RFX4: variants seen among roughly 807,000 people sequenced by gnomAD.
RFX4 encodes the protein transcription factor RFX4.
Under a neutral mutation model 95.0 loss-of-function variants are expected in RFX4, and 10 were observed. That is an observed-to-expected ratio of 0.11 (90% CI 0.06 to 0.18). The LOEUF is 0.18. Among genes scored for constraint, RFX4 ranks in the 10% least tolerant of loss-of-function variants. The pLI is 1.00. For missense variants in RFX4, 640 were observed against 922.0 expected (o/e 0.69, Z 3.96); for synonymous variants, 321 against 340.7 (o/e 0.94, Z 0.64).
intron 1 of RFX4, among the ~76,000 whole-genome samples, chr12:106,594,652 C>G (rs779850034): frequency 6.6e-6 from 1 of 152,126 alleles, no homozygotes; most frequent in Non-Finnish European, 1.5e-5. Flanking sequence ...ACTGGGCAGC[C>G]TCGCACAGAG....
At chr12:106,647,684 G>A (rs1477658587) in intron 3 of RFX4, among the ~76,000 whole-genome samples, 3 of 151,982 alleles carry the variant, frequency 2.0e-5, no homozygotes, top group African/African-American at 7.3e-5. Context: ...TGCCATCAAA[G>A]GACTTTCAGT....
intron 1 of RFX4, chr12:106,585,827 A>G (rs2039446608): frequency 1.3e-5 from 2 of 152,222 alleles, no homozygotes; most frequent in Admixed American, 6.5e-5. Context: ...GAGCGGGGCC[A>G]CCGTCCCTTA....
intron 10 of RFX4, among the ~76,000 whole-genome samples, chr12:106,711,855 A>G (rs2042196172): frequency 6.6e-6 from 1 of 152,222 alleles, no homozygotes; most frequent in Non-Finnish European, 1.5e-5. Flanking sequence ...TCTGAGTTCA[A>G]AGCCACATAA....
Position 106,617,515 on chromosome 12 carries a change from C to T in RFX4, c.130+8632C>T, listed in dbSNP as rs569413039. Among the ~76,000 whole-genome samples the T allele has an allele frequency of 3.3e-5, 5 of 152,272 alleles. No homozygotes were observed. The South Asian group carries it at 1.0e-3, about 32-fold the overall frequency. On this transcript the variant is annotated intron_variant, in intron 2 of 17. Coordinates refer to ENST00000392842, the MANE Select transcript of RFX4 (RefSeq NM_213594.3). ...TTATGGTTTATTTAGAAATCTGTTG[C>T]TTAATGTCCAAACATTCATAGATTT... is the stretch of plus-strand genomic sequence containing the variant.
intron 1 of RFX4, chr12:106,601,373 G>A: frequency 6.4e-7 from 1 of 1,560,600 alleles, no homozygotes; most frequent in African/African-American, 1.4e-5. Flanking sequence ...AGGGACAGGA[G>A]ACTGGGGTGG....
At chr12:106,702,749 A>G (rs903456539) in intron 8 of RFX4, among the ~76,000 whole-genome samples, 1 of 152,078 alleles carries the variant, frequency 6.6e-6, no homozygotes, top group African/African-American at 2.4e-5. Flanking sequence ...CCCCACCTAC[A>G]ACGGGTCTTC....
chr12:106,584,091 C>G (rs1319561700), intron 1 of RFX4, among the ~76,000 whole-genome samples: 1 of 151,024 alleles, frequency 6.6e-6, no homozygotes, highest in Admixed American at 6.6e-5. Context: ...CTGCAAACTG[C>G]TCTGCAGTTC....
In RFX4 at chr12:106,632,597, C is replaced by G. The variant is rs187791325; in HGVS notation, c.131-6735C>G. 4.1e-4 allele frequency among the ~76,000 whole-genome samples: 63 copies of G among 152,346 alleles called. 3 individuals are homozygous for G. In the East Asian group the frequency reaches 0.011, roughly 26 times the overall value. On this transcript the variant is annotated intron_variant, in intron 2 of 17. Coordinates refer to ENST00000392842, the MANE Select transcript of RFX4 (RefSeq NM_213594.3). ...CCAGGCTCATACCCCACACTTGGTG[C>G]TGCTATAGCATCCTGGACCTGCATT...
intron 5 of RFX4, chr12:106,684,943 G>A: frequency 6.2e-7 from 1 of 1,612,110 alleles, no homozygotes; most frequent in East Asian, 2.2e-5. Context: ...GGAGAGGGAA[G>A]GTTTTGACGT....
At chr12:106,583,437 A>G in intron 1 of RFX4, 74 bp downstream of exon 1, 1 of 1,423,184 alleles carries the variant, frequency 7.0e-7, no homozygotes, top group African/African-American at 1.5e-5. Context: ...TTTAGAAAGA[A>G]GTTGGGAAAA....
At chr12:106,641,391 T>C (rs1411292122) in intron 3 of RFX4, among the ~76,000 whole-genome samples, 3 of 152,072 alleles carry the variant, frequency 2.0e-5, no homozygotes, top group Non-Finnish European at 4.4e-5. Context: ...GAAGATGAAA[T>C]GAGTTGTTCT....
At chr12:106,667,205 A>C (rs1376441548) in intron 4 of RFX4, among the ~76,000 whole-genome samples, 1 of 151,886 alleles carries the variant, frequency 6.6e-6, no homozygotes, top group Admixed American at 6.6e-5. Flanking sequence ...CCCTTCTTTC[A>C]CATGGAAGGT....
rs2040914095 is a variant in RFX4, at chr12:106,654,358, C to G, written c.315+7C>G. On this transcript the variant is annotated splice_region_variant and intron_variant, in intron 4 of 17. Coordinates refer to ENST00000392842, the MANE Select transcript of RFX4 (RefSeq NM_213594.3). ...TGCTGCCAGCTTTGGAAAGGTGAGTCCAGCCTCATCAGGCTTGTCCTCCCT... is the reference window on the plus strand; with the variant it reads ...TGCTGCCAGCTTTGGAAAGGTGAGTGCAGCCTCATCAGGCTTGTCCTCCCT... 2 of 1,613,194 alleles carry G rather than the reference C, an allele frequency of 1.2e-6. No individual in the cohort carries two copies. The highest frequency in any genetic ancestry group is 1.7e-6 in the Non-Finnish European group (2 of 1,179,558).
At chr12:106,597,799 G>A (rs2039643758) in intron 1 of RFX4, among the ~76,000 whole-genome samples, 1 of 152,158 alleles carries the variant, frequency 6.6e-6, no homozygotes, top group Admixed American at 6.6e-5. Context: ...ATTTGAGGCT[G>A]TGGTGAGCTA....
intron 13 of RFX4, among the ~76,000 whole-genome samples, chr12:106,728,721 C>G (rs1417528104): frequency 2.6e-5 from 4 of 152,160 alleles, no homozygotes; most frequent in African/African-American, 7.2e-5. Flanking sequence ...TCGATATTCA[C>G]TATCCTCATC....
At chr12:106,647,960 G>A (rs1292869611) in intron 3 of RFX4, among the ~76,000 whole-genome samples, 1 of 152,150 alleles carries the variant, frequency 6.6e-6, no homozygotes, top group Non-Finnish European at 1.5e-5. Context: ...TCTAAAACCA[G>A]TGCTGGCTCC....
chr12:106,654,898 T>A (rs2040926158), intron 4 of RFX4, among the ~76,000 whole-genome samples: 1 of 152,222 alleles, frequency 6.6e-6, no homozygotes, highest in Non-Finnish European at 1.5e-5. Flanking sequence ...AGGAAAGCTG[T>A]TGGGGCATTC....
chr12:106,646,455 A>C (rs941117538), intron 3 of RFX4, among the ~76,000 whole-genome samples: 1 of 146,484 alleles, frequency 6.8e-6, no homozygotes, highest in Admixed American at 6.7e-5. Flanking sequence ...AAAAAAAAAA[A>C]AAAAGAGGGG....
chr12:106,716,132 G>A (rs2042285979), intron 11 of RFX4, among the ~76,000 whole-genome samples: 1 of 152,102 alleles, frequency 6.6e-6, no homozygotes, highest in African/African-American at 2.4e-5. Flanking sequence ...AAAGCAATAT[G>A]AGAAGGCCAG....
Sources: gnomAD v4.1 joint callset for allele counts (sites outside exome capture counted in the v4.1 genomes callset) on GRCh38, gnomAD v4.1.1 for gene constraint, MANE v1.5 for transcripts, NCBI Gene and HGNC (gene_info 2026-07-23, HGNC 2026-07-21) for gene names.